The following CLVS1 variants were observed in gnomAD, a reference collection of about 807,000 sequenced individuals.
CLVS1 encodes clavesin 1, also known as clavesin-1.
In CLVS1, 10 loss-of-function variants were observed where a neutral mutation model predicts 33.1. The ratio of observed to expected loss-of-function variants is 0.30; its 90% CI spans 0.19 to 0.51. The LOEUF is 0.51. Ranked by LOEUF, CLVS1 falls within the 20% of genes least tolerant of loss-of-function variation. The pLI, the probability that CLVS1 is intolerant of heterozygous loss-of-function variation, is 0.97. For synonymous variants in CLVS1, 163 were observed against 166.1 expected (o/e 0.98, Z 0.14); for missense variants, 343 against 433.4 (o/e 0.79, Z 1.85).
chr8:61,302,227 C>T (rs1023617422), intron 2 of CLVS1, among the ~76,000 whole-genome samples: 6 of 152,150 alleles, frequency 3.9e-5, no homozygotes, highest in African/African-American at 1.4e-4. Context: ...CAGGACTCCA[C>T]CTGGGCCTGG....
intron 2 of CLVS1, among the ~76,000 whole-genome samples, chr8:61,190,859 C>A (rs1313769324): frequency 2.0e-5 from 3 of 152,034 alleles, no homozygotes; most frequent in Non-Finnish European, 2.9e-5. Context: ...CAGTAACAGG[C>A]TCTGAAATTG....
intron 5 of CLVS1, among the ~76,000 whole-genome samples, chr8:61,484,101 G>A (rs1803773768): frequency 6.6e-6 from 1 of 152,124 alleles, no homozygotes; most frequent in South Asian, 2.1e-4. Flanking sequence ...AGAGCAATCA[G>A]GCAAGAGAAA....
intron 3 of CLVS1, among the ~76,000 whole-genome samples, chr8:61,412,205 T>A (rs948747923): frequency 6.6e-6 from 1 of 152,202 alleles, no homozygotes; most frequent in African/African-American, 2.4e-5. Flanking sequence ...TGTGAATATA[T>A]ATACCAGTAA....
intron 3 of CLVS1, among the ~76,000 whole-genome samples, chr8:61,410,832 G>T (rs1815193078): frequency 6.6e-6 from 1 of 152,038 alleles, no homozygotes; most frequent in African/African-American, 2.4e-5. Context: ...AGTACAGAGG[G>T]GATTTCACCA....
chr8:61,017,254 C>T, the CLVS1 span, among the ~76,000 whole-genome samples: 2 of 152,164 alleles, frequency 1.3e-5, no homozygotes, highest in African/African-American at 2.4e-5. Flanking sequence ...TTTTTATACC[C>T]GTGGGTATTT....
At chr8:61,274,202 G>A (rs180895174) in intron 2 of CLVS1, among the ~76,000 whole-genome samples, 27 of 152,328 alleles carry the variant, frequency 1.8e-4, no homozygotes, top group African/African-American at 6.0e-4. Flanking sequence ...CCAGCATTGT[G>A]CTGTGAGCCA....
chr8:61,470,129 C>T (rs1047974741), intron 5 of CLVS1, among the ~76,000 whole-genome samples: 1 of 152,136 alleles, frequency 6.6e-6, no homozygotes, highest in African/African-American at 2.4e-5. Flanking sequence ...TACATCTGGC[C>T]GAGATAGATG....
chr8:61,172,499 A>C (rs1270168827), intron 2 of CLVS1, among the ~76,000 whole-genome samples: 6 of 152,198 alleles, frequency 3.9e-5, no homozygotes, highest in Admixed American at 3.3e-4. Flanking sequence ...ATTATTTTAA[A>C]AGTAGAAAAA....
At chr8:61,352,221 A>G (rs1032617669) in intron 2 of CLVS1, among the ~76,000 whole-genome samples, 3 of 152,062 alleles carry the variant, frequency 2.0e-5, no homozygotes, top group Admixed American at 2.0e-4. Flanking sequence ...TCTCATATGT[A>G]TACTGTAATG....
chr8:61,443,102 A>G (rs1816627614), intron 3 of CLVS1, among the ~76,000 whole-genome samples: 1 of 152,186 alleles, frequency 6.6e-6, no homozygotes, highest in Non-Finnish European at 1.5e-5. Context: ...ATACTGTTAT[A>G]TTTGAGAGCT....
intron 2 of CLVS1, among the ~76,000 whole-genome samples, chr8:61,366,997 C>G (rs150742315): frequency 6.6e-6 from 1 of 152,164 alleles, no homozygotes; most frequent in Non-Finnish European, 1.5e-5. Flanking sequence ...TCACCTCCTA[C>G]CTGACTTAGT....
rs561875207 is a variant in CLVS1 at position 61,131,631 on chromosome 8, G to A, written c.-242-139G>A. ...GAGAAGAAATATTGCTTAGCAAAGG[G>A]CATTTACTTAATGCAAAGAACTTCC... On this transcript the variant is annotated intron_variant, in intron 1 of 2. Transcript: ENST00000522621. 12 of 151,550 alleles carry A rather than the reference G, an allele frequency of 7.9e-5. No homozygotes were observed. The South Asian group carries it at 2.5e-3, about 32-fold the overall frequency. 9.4% of individuals were successfully genotyped at this position (151,550 alleles called of 1,614,324 possible). A position where few individuals can be genotyped will look rare whatever the true frequency, so the allele number is the denominator to read the frequency against.
intron 2 of CLVS1, among the ~76,000 whole-genome samples, chr8:61,267,191 C>A (rs1236759661): frequency 6.6e-6 from 1 of 152,178 alleles, no homozygotes; most frequent in Non-Finnish European, 1.5e-5. Context: ...CAGCATACCA[C>A]CAGCAAGAAA....
intron 2 of CLVS1, among the ~76,000 whole-genome samples, chr8:61,176,134 C>G (rs780648022): frequency 1.3e-5 from 2 of 152,202 alleles, no homozygotes; most frequent in Non-Finnish European, 2.9e-5. Flanking sequence ...GGGTTTGGAT[C>G]TGTGGTGCTG....
At chr8:61,199,875 C>T (rs1312137833) in intron 2 of CLVS1, among the ~76,000 whole-genome samples, 1 of 152,088 alleles carries the variant, frequency 6.6e-6, no homozygotes, top group Non-Finnish European at 1.5e-5. Context: ...GGGTTAGTGT[C>T]CATTATTAGT....
At chr8:61,102,425 C>T (rs1805467329) in intron 1 of CLVS1, among the ~76,000 whole-genome samples, 1 of 152,044 alleles carries the variant, frequency 6.6e-6, no homozygotes, top group Non-Finnish European at 1.5e-5. Context: ...TATAGAAATA[C>T]AATTGATTTT....
intron 3 of CLVS1, among the ~76,000 whole-genome samples, chr8:61,392,764 G>T (rs1286989639): frequency 6.6e-6 from 1 of 151,384 alleles, no homozygotes; most frequent in Admixed American, 6.6e-5. Context: ...GGAGCCTGAG[G>T]CAGGAGAATT....
At chr8:61,327,645 G>A (rs1366362890) in intron 2 of CLVS1, among the ~76,000 whole-genome samples, 2 of 152,168 alleles carry the variant, frequency 1.3e-5, no homozygotes, top group African/African-American at 4.8e-5. Context: ...GAAAGTAAAT[G>A]TTTTTCAGAT....
At chr8:61,048,752 A>G in the CLVS1 span, among the ~76,000 whole-genome samples, 1 of 152,058 alleles carries the variant, frequency 6.6e-6, no homozygotes. Flanking sequence ...CCCACCATGG[A>G]CCAGGACAAG....
Sources: gnomAD v4.1 joint callset for allele counts (sites outside exome capture counted in the v4.1 genomes callset) on GRCh38, gnomAD v4.1.1 for gene constraint, MANE v1.5 for transcripts, NCBI Gene and HGNC (gene_info 2026-07-23, HGNC 2026-07-21) for gene names.